The following ANKRD30BL variants were observed in gnomAD, a reference collection of about 807,000 sequenced individuals.
ANKRD30BL encodes the protein putative ankyrin repeat domain-containing protein 30B-like.
ANKRD30BL carries 20 observed loss-of-function variants against 18.4 expected under a neutral mutation model. That is an observed-to-expected ratio of 1.09 (90% CI 0.77 to 1.58). The LOEUF is 1.58. Ranked by LOEUF, ANKRD30BL falls within the 40% of genes most tolerant of loss-of-function variation. The pLI, the probability that ANKRD30BL is intolerant of heterozygous loss-of-function variation, is 0.00. For missense variants in ANKRD30BL, 224 were observed against 268.6 expected (o/e 0.83, Z 1.16); for synonymous variants, 72 against 100.9 (o/e 0.71, Z 1.72).
intron 1 of ANKRD30BL, among the ~76,000 whole-genome samples, chr2:132,203,903 T>C (rs1679158281): frequency 6.6e-6 from 1 of 152,150 alleles, no homozygotes; most frequent in Admixed American, 6.5e-5. Context: ...TTCAGATGGC[T>C]TGTAATCTTG....
Position 132,243,776 on chromosome 2 carries a change from G to A in ANKRD30BL, n.441+13753C>T, listed in dbSNP as rs1368581728. Among the ~76,000 whole-genome samples the A allele has an allele frequency of 2.0e-5, 3 of 152,150 alleles. No individual in the cohort carries two copies. In the East Asian group the frequency reaches 5.8e-4, roughly 29 times the overall value. ...CAGAAGCATTCTCAGAAACTTCTAT[G>A]TGATGCTTGCATTCAACTCACAGAG... On this transcript the variant is annotated intron_variant and non_coding_transcript_variant, in intron 1 of 4. Coordinates refer to the ANKRD30BL transcript ENST00000470729.
At chr2:132,229,200 C>G (rs558074186) in intron 1 of ANKRD30BL, among the ~76,000 whole-genome samples, 1 of 151,828 alleles carries the variant, frequency 6.6e-6, no homozygotes, top group African/African-American at 2.4e-5. Context: ...TTTGAAGGAC[C>G]AGTTTTGAAA....
chr2:132,233,373 TA>T (rs1337853214), intron 1 of ANKRD30BL, among the ~76,000 whole-genome samples: 2 of 144,030 alleles, frequency 1.4e-5, no homozygotes, highest in African/African-American at 5.1e-5. Context: ...ATGCTCCAAT[TA>T]AAAGACACAG....
At chr2:132,254,841 G>C (rs79812256) in intron 1 of ANKRD30BL, among the ~76,000 whole-genome samples, 1 of 152,200 alleles carries the variant, frequency 6.6e-6, no homozygotes, top group Non-Finnish European at 1.5e-5. Context: ...ATTGGAATTA[G>C]CCAGACAAAT....
intron 1 of ANKRD30BL, among the ~76,000 whole-genome samples, chr2:132,231,179 A>C (rs1679999354): frequency 6.6e-6 from 1 of 152,190 alleles, no homozygotes; most frequent in Non-Finnish European, 1.5e-5. Context: ...ACATAGAAGC[A>C]TTCTCAGAAA....
chr2:132,186,925 C>T (rs1324763381), intron 1 of ANKRD30BL, among the ~76,000 whole-genome samples: 1 of 151,914 alleles, frequency 6.6e-6, no homozygotes, highest in Non-Finnish European at 1.5e-5. Context: ...TTTTGCTGTT[C>T]ATTTACCCAA....
At chr2:132,207,127 G>T (rs1484434645) in intron 1 of ANKRD30BL, among the ~76,000 whole-genome samples, 1 of 151,980 alleles carries the variant, frequency 6.6e-6, no homozygotes, top group Non-Finnish European at 1.5e-5. Context: ...TCAGGGGCTA[G>T]AACTCTAATA....
intron 1 of ANKRD30BL, among the ~76,000 whole-genome samples, chr2:132,255,916 C>T (rs76974625): frequency 3.3e-5 from 5 of 152,116 alleles, no homozygotes; most frequent in East Asian, 3.9e-4. Context: ...CCAAAGCTGG[C>T]GGCACCCGAC....
intron 1 of ANKRD30BL, among the ~76,000 whole-genome samples, chr2:132,203,729 A>C (rs1294655044): frequency 6.6e-6 from 1 of 151,920 alleles, no homozygotes; most frequent in African/African-American, 2.4e-5. Flanking sequence ...TAGAATAATA[A>C]AAATAAAGGA....
intron 1 of ANKRD30BL, chr2:132,253,298 TAA>T (rs1680716743): frequency 6.5e-6 from 1 of 153,116 alleles, no homozygotes; most frequent in Non-Finnish European, 1.5e-5. Context: ...GATCCACCAC[TAA>T]AAGTCATACA....
intron 1 of ANKRD30BL, among the ~76,000 whole-genome samples, chr2:132,255,280 C>A (rs546410314): frequency 9.9e-5 from 15 of 152,154 alleles, no homozygotes; most frequent in African/African-American, 3.6e-4. Flanking sequence ...TGCCCCCGGC[C>A]GTCCCTCTTA....
intron 1 of ANKRD30BL, among the ~76,000 whole-genome samples, chr2:132,192,650 C>CCAGATCCT (rs1418061432): frequency 6.6e-6 from 1 of 152,166 alleles, no homozygotes; most frequent in Admixed American, 6.5e-5. Context: ...AGCAGGTAAC[C>CCAGATCCT]CAGATCCTCA....
At chr2:132,239,456 A>G (rs1206764148) in intron 1 of ANKRD30BL, among the ~76,000 whole-genome samples, 1 of 151,936 alleles carries the variant, frequency 6.6e-6, no homozygotes, top group African/African-American at 2.4e-5. Context: ...CTAGGTAGAA[A>G]AGGAAATATC....
intron 1 of ANKRD30BL, among the ~76,000 whole-genome samples, chr2:132,218,355 A>T (rs1454935245): frequency 6.6e-6 from 1 of 152,234 alleles, no homozygotes; most frequent in Non-Finnish European, 1.5e-5. Flanking sequence ...CAACTCACAG[A>T]GTTGAACATA....
intron 1 of ANKRD30BL, among the ~76,000 whole-genome samples, chr2:132,255,896 T>C (rs997562785): frequency 3.3e-5 from 5 of 152,052 alleles, no homozygotes; most frequent in African/African-American, 7.2e-5. Flanking sequence ...CCCGAGGTTA[T>C]CCAGAAGCAC....
chr2:132,194,064 C>T (rs1573829793), intron 1 of ANKRD30BL, among the ~76,000 whole-genome samples: 2 of 151,636 alleles, frequency 1.3e-5, no homozygotes, highest in South Asian at 4.2e-4. Context: ...CTCACACACA[C>T]ACACACACAC....
chr2:132,172,573 T>C (rs1688300675), intron 1 of ANKRD30BL, among the ~76,000 whole-genome samples: 1 of 152,318 alleles, frequency 6.6e-6, no homozygotes, highest in South Asian at 2.1e-4. Context: ...AATTGAACCA[T>C]TTATTATTGT....
chr2:132,225,749 G>C (rs1383226382), intron 1 of ANKRD30BL, among the ~76,000 whole-genome samples: 1 of 152,056 alleles, frequency 6.6e-6, no homozygotes, highest in African/African-American at 2.4e-5. Flanking sequence ...TCTTTTGATA[G>C]AGCAGGTTTC....
chr2:132,180,536 C>T (rs1688442560), intron 1 of ANKRD30BL, among the ~76,000 whole-genome samples: 1 of 152,122 alleles, frequency 6.6e-6, no homozygotes, highest in African/African-American at 2.4e-5. Flanking sequence ...TTCCTGTGTT[C>T]CAGGCACTGC....
Sources: allele counts gnomAD v4.1 joint callset (sites outside exome capture counted in the v4.1 genomes callset), GRCh38; gene constraint gnomAD v4.1.1; transcripts MANE v1.5; gene names NCBI Gene and HGNC (gene_info 2026-07-23, HGNC 2026-07-21).